The following PTK2 variants were observed in gnomAD, a reference collection of about 807,000 sequenced individuals.
PTK2 encodes protein tyrosine kinase 2.
In PTK2, 45 loss-of-function variants were observed where a neutral mutation model predicts 150.1. The ratio of observed to expected loss-of-function variants is 0.30; its 90% CI spans 0.24 to 0.38. PTK2 has a LOEUF of 0.38. Among genes scored for constraint, PTK2 ranks in the 10% least tolerant of loss-of-function variants. PTK2 has a pLI of 1.00. For synonymous variants in PTK2, 432 were observed against 449.2 expected (o/e 0.96, Z 0.48); for missense variants, 919 against 1,307.3 (o/e 0.70, Z 4.58).
intron 14 of PTK2, among the ~76,000 whole-genome samples, chr8:140,775,984 A>C (rs1440049442): frequency 6.6e-6 from 1 of 152,182 alleles, no homozygotes; most frequent in Non-Finnish European, 1.5e-5. Flanking sequence ...TATAAAGAAC[A>C]ATGGACAATC....
chr8:140,962,960 T>C (rs1037682478), intron 1 of PTK2, among the ~76,000 whole-genome samples: 4 of 151,844 alleles, frequency 2.6e-5, no homozygotes, highest in African/African-American at 9.7e-5. Context: ...GTTAAGTACA[T>C]TCCCTTTGCA....
At chr8:140,696,777 T>G (rs2100026819) in intron 26 of PTK2, among the ~76,000 whole-genome samples, 1 of 151,988 alleles carries the variant, frequency 6.6e-6, no homozygotes, top group Non-Finnish European at 1.5e-5. Flanking sequence ...ATTTAATCAG[T>G]CAACACTGAC....
chr8:140,864,069 G>T (rs2154605909), intron 5 of PTK2, among the ~76,000 whole-genome samples: 1 of 152,272 alleles, frequency 6.6e-6, no homozygotes, highest in South Asian at 2.1e-4. Context: ...CTCAAGAAAT[G>T]ATTGTAGACC....
At chr8:140,700,968 T>C (rs751788258) in exon 26 of PTK2, 6 of 1,614,002 alleles carry the variant, frequency 3.7e-6, no homozygotes, top group Non-Finnish European at 5.1e-6. Flanking sequence ...CGCTCTTCCA[T>C]CAGATGGGTT....
At chr8:140,965,707 T>C (rs912700406) in intron 1 of PTK2, among the ~76,000 whole-genome samples, 8 of 152,030 alleles carry the variant, frequency 5.3e-5, no homozygotes, top group Non-Finnish European at 1.2e-4. Flanking sequence ...CAAAACCCCG[T>C]CTCTACTAAA....
intron 24 of PTK2, among the ~76,000 whole-genome samples, 167 bp downstream of exon 27, chr8:140,705,952 G>C (rs2100033501): frequency 6.6e-6 from 1 of 152,236 alleles, no homozygotes; most frequent in Non-Finnish European, 1.5e-5. Context: ...TCTGCGTGGG[G>C]TGTCAAGACA....
intron 14 of PTK2, 48 bp downstream of exon 16, chr8:140,769,527 T>C: frequency 1.6e-6 from 2 of 1,234,714 alleles, no homozygotes; most frequent in African/African-American, 3.1e-5. Context: ...TTTATTTTCA[T>C]AAATAATTAT....
At position 140,953,064 on chromosome 8, in the gene PTK2, G is replaced by T. The variant is rs117217590; in HGVS notation, c.-121-27315C>A. ...GATTAAAAAAAATTGACTTTCAATA[G>T]GTTAAATAATTTGATTAAAATTAAG... On this transcript the variant is annotated intron_variant, in intron 1 of 31. Coordinates refer to ENST00000522684, the Ensembl canonical transcript of PTK2. Among the ~76,000 whole-genome samples, 28 of 152,194 alleles carry T rather than the reference G, an allele frequency of 1.8e-4. No homozygotes were observed. The East Asian group carries it at 5.4e-3, about 29-fold the overall frequency.
At chr8:140,684,796 C>T (rs1049244614) in intron 27 of PTK2, among the ~76,000 whole-genome samples, 1 of 152,106 alleles carries the variant, frequency 6.6e-6, no homozygotes, top group East Asian at 1.9e-4. Flanking sequence ...AAAGTATGGT[C>T]GTACCGCCCA....
At chr8:140,932,712 C>G (rs956897891) in intron 1 of PTK2, among the ~76,000 whole-genome samples, 1 of 152,156 alleles carries the variant, frequency 6.6e-6, no homozygotes, top group Non-Finnish European at 1.5e-5. Flanking sequence ...TATGATACAG[C>G]AGAAATAATG....
exon 13 of PTK2, chr8:140,793,364 A>C: frequency 6.2e-7 from 1 of 1,609,884 alleles, no homozygotes; most frequent in Middle Eastern, 1.7e-4. Flanking sequence ...TTTGGTATTG[A>C]TGGCAAAGCC....
rs1297959582 is a variant in PTK2 at position 140,793,390 on chromosome 8, G to A, written c.1094-6C>T. On this transcript the variant is annotated splice_region_variant and splice_polypyrimidine_tract_variant and intron_variant, in intron 12 of 31. Transcript: ENST00000522684. ...TGGCAAAGCCCGTTCACCTTCTGCG[G>A]GGAAAAAGAAAAGAGATGCATAAGG... 6.2e-7 allele frequency: 1 copy of A among 1,608,880 alleles called. No individual in the cohort carries two copies. Among genetic ancestry groups the A allele is most frequent in the Non-Finnish European group, 8.5e-7 (1 of 1,178,562 alleles).
At chr8:140,933,425 A>G (rs2154608614) in intron 1 of PTK2, among the ~76,000 whole-genome samples, 1 of 152,364 alleles carries the variant, frequency 6.6e-6, no homozygotes, top group South Asian at 2.1e-4. Flanking sequence ...AAGAAGAAGC[A>G]GGTGGAGAAT....
intron 11 of PTK2, among the ~76,000 whole-genome samples, chr8:140,802,721 T>C (rs373302082): frequency 6.6e-6 from 1 of 152,206 alleles, no homozygotes; most frequent in East Asian, 1.9e-4. Context: ...TTTCTATGTT[T>C]ACATATATTT....
chr8:140,743,259 C>G (rs747186955), exon 20 of PTK2: 1 of 1,610,654 alleles, frequency 6.2e-7, no homozygotes, highest in Non-Finnish European at 8.5e-7. Flanking sequence ...TTCCATATAT[C>G]GGGATAATCC....
At chr8:140,796,548 T>C (rs565364723) in intron 12 of PTK2, among the ~76,000 whole-genome samples, 109 of 152,296 alleles carry the variant, frequency 7.2e-4, no homozygotes, top group South Asian at 1.9e-3. Flanking sequence ...AATCCATTAT[T>C]ATATTTTTGC....
intron 1 of PTK2, among the ~76,000 whole-genome samples, chr8:140,957,282 G>A (rs2100181520): frequency 6.6e-6 from 1 of 151,996 alleles, no homozygotes; most frequent in African/African-American, 2.4e-5. Flanking sequence ...GAAAAAATTA[G>A]CTGGGCATGG....
chr8:140,849,374 T>C (rs759404160), intron 5 of PTK2, among the ~76,000 whole-genome samples: 1 of 152,240 alleles, frequency 6.6e-6, no homozygotes, highest in Non-Finnish European at 1.5e-5. Context: ...GGCCACATCC[T>C]GAGGCTGGGC....
intron 1 of PTK2, among the ~76,000 whole-genome samples, chr8:140,998,941 T>A (rs2100198918): frequency 6.6e-6 from 1 of 152,166 alleles, no homozygotes; most frequent in Non-Finnish European, 1.5e-5. Flanking sequence ...GTAATTTCCA[T>A]CAAGAAGCAT....
Sources: allele counts gnomAD v4.1 joint callset (sites outside exome capture counted in the v4.1 genomes callset), GRCh38; gene constraint gnomAD v4.1.1; transcripts MANE v1.5; gene names NCBI Gene and HGNC (gene_info 2026-07-23, HGNC 2026-07-21).